Variants in BCL2L13 observed in about 807,000 individuals in gnomAD.
The protein encoded by BCL2L13 is BCL2 like 13, also known as bcl-2-like protein 13.
In BCL2L13, 13 loss-of-function variants were observed where a neutral mutation model predicts 25.8. The ratio of observed to expected loss-of-function variants is 0.50; its 90% CI spans 0.33 to 0.80. The LOEUF is 0.80. Among genes scored for constraint, BCL2L13 ranks in the 30% least tolerant of loss-of-function variants. The pLI, the probability that BCL2L13 is intolerant of heterozygous loss-of-function variation, is 0.02. For synonymous variants in BCL2L13, 244 were observed against 230.3 expected, an observed-to-expected ratio of 1.06 and a Z score of -0.54; for missense variants, 504 against 574.9, an observed-to-expected ratio of 0.88 and a Z score of 1.26.
At chr22:17,637,120 T>A (rs1320783759), upstream of BCL2L13, among the ~76,000 whole-genome samples, 2 of 150,754 alleles carry the variant, frequency 1.3e-5, no homozygotes, top group Non-Finnish European at 3.0e-5. Context: ...TAAAAATTTT[T>A]AAAAAGCCAG....
rs1240317743 is a variant in BCL2L13, at chr22:17,659,629, C to G, written c.121+3797C>G. 2.1e-5 allele frequency among the ~76,000 whole-genome samples: 3 copies of G among 144,134 alleles called. 1 individual carries two copies. Among genetic ancestry groups the G allele is most frequent in the Non-Finnish European group, 4.7e-5 (3 of 63,470 alleles). 94.6% of individuals were successfully genotyped at this position (144,134 alleles called of 152,430 possible). A position where few individuals can be genotyped will look rare whatever the true frequency, so the allele number is the denominator to read the frequency against. On this transcript the variant is annotated intron_variant, in intron 2 of 6. Coordinates refer to ENST00000317582, the MANE Select transcript of BCL2L13 (RefSeq NM_015367.4). ...TGAACCGAGATCATGCCACTGCACT[C>G]CAGCCTGGGCGACAGAACGAGACTC...
At chr22:17,695,004 C>A (rs2060220496) in intron 4 of BCL2L13, among the ~76,000 whole-genome samples, 1 of 151,600 alleles carries the variant, frequency 6.6e-6, no homozygotes, top group East Asian at 1.9e-4. Flanking sequence ...AGAAAAGTTC[C>A]TTTGGCGTCA....
chr22:17,698,556 TAAAAAAAAAAAA>T (rs55650486), intron 5 of BCL2L13, among the ~76,000 whole-genome samples: 1 of 129,950 alleles, frequency 7.7e-6, no homozygotes, highest in Non-Finnish European at 1.6e-5. Context: ...CCCTGTCTCT[TAAAAAAAAAAAA>T]AAAAAAAAAG....
chr22:17,638,994 C>A, intron 1 of BCL2L13, 108 bp downstream of exon 1: 1 of 915,066 alleles, frequency 1.1e-6, no homozygotes, highest in Non-Finnish European at 1.4e-6. Context: ...CCCAGTGGTT[C>A]CGACGACGCG....
chr22:17,669,869 A>G (rs1419019010), intron 2 of BCL2L13, among the ~76,000 whole-genome samples: 1 of 152,130 alleles, frequency 6.6e-6, no homozygotes, highest in African/African-American at 2.4e-5. Flanking sequence ...GCAGCCCCTC[A>G]ACCTTGGACT....
chr22:17,688,586 GC>G (rs796794435), intron 3 of BCL2L13, among the ~76,000 whole-genome samples: 12 of 152,042 alleles, frequency 7.9e-5, no homozygotes, highest in African/African-American at 2.9e-4. Context: ...TTAAATCTAA[GC>G]TTTTTCATTA....
At position 17,691,080 on chromosome 22, in the gene BCL2L13, G is replaced by C. The variant is rs190151959; in HGVS notation, c.386+1938G>C. Among the ~76,000 whole-genome samples, 15 of 152,000 alleles carry C rather than the reference G, an allele frequency of 9.9e-5. 1 individual carries two copies. The highest frequency in any genetic ancestry group is 3.6e-4 in the African/African-American group (15 of 41,458). On this transcript the variant is annotated intron_variant, in intron 4 of 6. Transcript: ENST00000317582. ...GGGTCTCACTATGTTACCCAGACTA[G>C]TCTTATAACTCCTGGCCTCAAGCAA...
chr22:17,724,809 A>T (rs980961980), intron 6 of BCL2L13, among the ~76,000 whole-genome samples: 6 of 152,208 alleles, frequency 3.9e-5, no homozygotes, highest in Non-Finnish European at 7.3e-5. Flanking sequence ...ATTTCTGTAC[A>T]TCTCTGTGAC....
chr22:17,685,104 C>A (rs996471866), intron 3 of BCL2L13, among the ~76,000 whole-genome samples: 9 of 151,972 alleles, frequency 5.9e-5, no homozygotes, highest in Non-Finnish European at 1.0e-4. Flanking sequence ...GAACTCCTGA[C>A]CTCAGGTGAT....
chr22:17,630,190 C>A (rs2057976986), intron 1 of BCL2L13, among the ~76,000 whole-genome samples: 2 of 147,380 alleles, frequency 1.4e-5, no homozygotes, highest in South Asian at 4.2e-4. Flanking sequence ...GCACTCCAGC[C>A]TGGGCAATAA....
At position 17,631,685 on chromosome 22, in the gene BCL2L13, TATATATATATATATATA is replaced by T. The variant is rs1568903673; in HGVS notation, c.-650+2681_-650+2697del. ...GTGTGTGTGTGTATATATATATATA[TATATATATATATATATA>T]TATATTTTTTTTTTTTTTTTTTTTT... On this transcript the variant is annotated intron_variant, in intron 1 of 6. Transcript: ENST00000399782. 1.5e-4 allele frequency among the ~76,000 whole-genome samples: 6 copies of T among 40,226 alleles called. 1 individual carries two copies. The highest frequency in any genetic ancestry group is 1.4e-3 in the South Asian group (1 of 690). 26.4% of individuals were successfully genotyped at this position (40,226 alleles called of 152,430 possible). A position where few individuals can be genotyped will look rare whatever the true frequency, so the allele number is the denominator to read the frequency against.
intron 2 of BCL2L13, among the ~76,000 whole-genome samples, chr22:17,659,265 G>A (rs1036681138): frequency 6.9e-6 from 1 of 145,842 alleles, no homozygotes; most frequent in African/African-American, 2.4e-5. Context: ...TCTGGAGGCT[G>A]AGGTGGCAGA....
chr22:17,717,380 C>CAAAAAAAAAAAAAAAAAAAAA (rs371314290), intron 6 of BCL2L13, among the ~76,000 whole-genome samples: 7 of 126,274 alleles, frequency 5.5e-5, no homozygotes, highest in African/African-American at 1.8e-4. Context: ...GACTCTGTCT[C>CAAAAAAAAAAAAAAAAAAAAA]AAAAAAGATC....
At chr22:17,669,241 C>T (rs546834917) in intron 2 of BCL2L13, among the ~76,000 whole-genome samples, 1 of 152,090 alleles carries the variant, frequency 6.6e-6, no homozygotes, top group Non-Finnish European at 1.5e-5. Context: ...ACCATGTTAG[C>T]CAGGATGGTC....
chr22:17,673,266 G>A (rs1046168319), intron 2 of BCL2L13, among the ~76,000 whole-genome samples: 1 of 151,820 alleles, frequency 6.6e-6, no homozygotes, highest in Non-Finnish European at 1.5e-5. Flanking sequence ...GTGACTCATC[G>A]CCATAAATAA....
chr22:17,684,974 T>A (rs560846307), intron 3 of BCL2L13, among the ~76,000 whole-genome samples: 17 of 152,164 alleles, frequency 1.1e-4, no homozygotes, highest in Non-Finnish European at 1.8e-4. Context: ...TGACCTTGTT[T>A]TCTGCCCGCC....
intron 1 of BCL2L13, among the ~76,000 whole-genome samples, chr22:17,642,614 A>G (rs1007961354): frequency 1.9e-4 from 28 of 145,646 alleles, no homozygotes; most frequent in African/African-American, 6.9e-4. Context: ...TTTTTTTGAG[A>G]TGGCATTTCA....
intron 1 of BCL2L13, among the ~76,000 whole-genome samples, chr22:17,653,376 G>T (rs2058749173): frequency 6.6e-6 from 1 of 151,452 alleles, no homozygotes; most frequent in Admixed American, 6.6e-5. Flanking sequence ...CCTTTTCAGT[G>T]TTCTGTTCCT....
At chr22:17,711,747 T>C (rs974613577) in intron 6 of BCL2L13, among the ~76,000 whole-genome samples, 2 of 152,208 alleles carry the variant, frequency 1.3e-5, no homozygotes, top group Non-Finnish European at 2.9e-5. Context: ...GAGGCTCTGT[T>C]TTTAGAAGTG....
Sources: allele counts gnomAD v4.1 joint callset (sites outside exome capture counted in the v4.1 genomes callset), GRCh38; gene constraint gnomAD v4.1.1; transcripts MANE v1.5; gene names NCBI Gene and HGNC (gene_info 2026-07-23, HGNC 2026-07-21).